The following TMEFF2 variants were observed in gnomAD, a reference collection of about 807,000 sequenced individuals.
TMEFF2 encodes the protein tomoregulin-2.
In TMEFF2, 28 loss-of-function variants were observed where a neutral mutation model predicts 53.8. That is an observed-to-expected ratio of 0.52 (90% CI 0.39 to 0.71). The LOEUF is 0.71. TMEFF2 is among the 30% of genes least tolerant of loss of function. The probability of loss-of-function intolerance (pLI) is 0.00; values close to 1 mark genes in which losing one functional copy is unlikely to be tolerated. For synonymous variants in TMEFF2, 162 were observed against 166.3 expected (o/e 0.97, Z 0.20); for missense variants, 353 against 455.2 (o/e 0.78, Z 2.04).
At chr2:192,132,919 G>A (rs555712442) in intron 4 of TMEFF2, among the ~76,000 whole-genome samples, 1 of 152,230 alleles carries the variant, frequency 6.6e-6, no homozygotes, top group East Asian at 1.9e-4. Context: ...CGAAAGCCCC[G>A]TAGACCATCA....
chr2:192,153,418 G>C (rs1690433686), intron 4 of TMEFF2, among the ~76,000 whole-genome samples: 1 of 151,622 alleles, frequency 6.6e-6, no homozygotes, highest in African/African-American at 2.4e-5. Flanking sequence ...TTATTGATGA[G>C]TAGCCAATTC....
At chr2:191,990,709 T>C (rs1184845711) in intron 7 of TMEFF2, among the ~76,000 whole-genome samples, 1 of 150,878 alleles carries the variant, frequency 6.6e-6, no homozygotes, top group Admixed American at 6.6e-5. Flanking sequence ...TAAATAGACC[T>C]GTCTTTTCTT....
At chr2:192,105,490 G>A (rs1195364390) in intron 4 of TMEFF2, among the ~76,000 whole-genome samples, 1 of 151,784 alleles carries the variant, frequency 6.6e-6, no homozygotes, top group Non-Finnish European at 1.5e-5. Context: ...ACCACCCTTC[G>A]AAGAAGGTAT....
intron 4 of TMEFF2, among the ~76,000 whole-genome samples, chr2:192,060,263 AG>A (rs1420372694): frequency 6.6e-6 from 1 of 152,130 alleles, no homozygotes; most frequent in African/African-American, 2.4e-5. Context: ...AAGCACCTAG[AG>A]GTTTAGTTAA....
At chr2:191,964,140 C>T (rs1389947277) in intron 7 of TMEFF2, among the ~76,000 whole-genome samples, 3 of 152,076 alleles carry the variant, frequency 2.0e-5, no homozygotes, top group Non-Finnish European at 2.9e-5. Context: ...TTGATGACTC[C>T]TGACTCTTTA....
At chr2:191,953,073 A>G (rs1169176554) in intron 9 of TMEFF2, among the ~76,000 whole-genome samples, 2 of 152,242 alleles carry the variant, frequency 1.3e-5, no homozygotes, top group Admixed American at 6.5e-5. Flanking sequence ...GAAATTAAGC[A>G]AGTACTGGCC....
intron 4 of TMEFF2, among the ~76,000 whole-genome samples, chr2:192,140,829 G>A (rs1409099217): frequency 2.0e-5 from 3 of 152,198 alleles, no homozygotes; most frequent in Non-Finnish European, 2.9e-5. Flanking sequence ...GAGCTTGCAC[G>A]TATTTTAGCC....
At chr2:192,126,274 T>C (rs1689676803) in intron 4 of TMEFF2, among the ~76,000 whole-genome samples, 1 of 152,250 alleles carries the variant, frequency 6.6e-6, no homozygotes, top group South Asian at 2.1e-4. Flanking sequence ...TATGCTGTGC[T>C]AATTAATGAA....
chr2:192,086,893 A>G (rs1196815313), intron 4 of TMEFF2, among the ~76,000 whole-genome samples: 1 of 152,098 alleles, frequency 6.6e-6, no homozygotes, highest in African/African-American at 2.4e-5. Flanking sequence ...TATGTATAAT[A>G]AAAGTTAGGC....
intron 5 of TMEFF2, chr2:192,027,787 T>C (rs1373837159): frequency 6.6e-6 from 1 of 152,194 alleles, no homozygotes; most frequent in African/African-American, 2.4e-5. Flanking sequence ...TGAAGTCAAG[T>C]GAGACAATGG....
At chr2:192,166,724 T>C (rs2106018212) in intron 4 of TMEFF2, among the ~76,000 whole-genome samples, 2 of 151,938 alleles carry the variant, frequency 1.3e-5, no homozygotes, top group African/African-American at 2.4e-5. Context: ...AGGAGAAAAA[T>C]GGATGGGATT....
Position 191,964,251 on chromosome 2 carries a change from TC to T in TMEFF2, c.746-7874del, listed in dbSNP as rs1692355759. On this transcript the variant is annotated intron_variant, in intron 7 of 9. Transcript: ENST00000272771. Reference sequence around the variant, plus strand: ...TTCTTTCCTTCCTTCCTTCCTTCCTTCCTTCCTCCTTTCTTTTCTTTTTTCT... The same window carrying T: ...TTCTTTCCTTCCTTCCTTCCTTCCTTCTTCCTCCTTTCTTTTCTTTTTTCT... 1.1e-4 allele frequency among the ~76,000 whole-genome samples: 7 copies of T among 64,288 alleles called. 1 individual carries two copies. The highest frequency in any genetic ancestry group is 1.7e-4 in the Non-Finnish European group (6 of 34,384). 42.2% of individuals were successfully genotyped at this position (64,288 alleles called of 152,430 possible).
chr2:192,059,127 A>G (rs1687984761), intron 4 of TMEFF2, among the ~76,000 whole-genome samples: 1 of 151,812 alleles, frequency 6.6e-6, no homozygotes, highest in African/African-American at 2.4e-5. Context: ...CTTCCAAGAA[A>G]GGTGGAGGGA....
At position 192,158,178 on chromosome 2, in the gene TMEFF2, G is replaced by A. The variant is rs529749146; in HGVS notation, c.439+21490C>T. The stretch of plus-strand genomic sequence containing the variant: ...ATGTAAGAAATTTATCTGTACAGCC[G>A]TCTACTGGCACTTTAAGAAAGACTG... On this transcript the variant is annotated intron_variant, in intron 4 of 9. Transcript: ENST00000272771. 1.2e-4 allele frequency among the ~76,000 whole-genome samples: 19 copies of A among 152,108 alleles called. No individual in the cohort carries two copies. The South Asian group carries it at 2.1e-3, about 17-fold the overall frequency.
intron 5 of TMEFF2, among the ~76,000 whole-genome samples, chr2:192,034,431 AT>A (rs1416554955): frequency 1.3e-5 from 2 of 152,152 alleles, no homozygotes; most frequent in Admixed American, 6.5e-5. Context: ...GGGAAAAAAA[AT>A]CACGAATATG....
At chr2:192,090,343 T>G (rs544661629) in intron 4 of TMEFF2, among the ~76,000 whole-genome samples, 2 of 152,108 alleles carry the variant, frequency 1.3e-5, no homozygotes, top group South Asian at 2.1e-4. Flanking sequence ...TTTTTATGAT[T>G]GTCTGTTTTA....
In TMEFF2 at chr2:192,040,161, G is replaced by A. The variant is rs73982335; in HGVS notation, c.536+17518C>T. Among the ~76,000 whole-genome samples the A allele has an allele frequency of 2.6e-3, 391 of 152,096 alleles. 2 individuals carry two copies. The highest frequency in any genetic ancestry group is 0.02 in the Middle Eastern group (6 of 294). On this transcript the variant is annotated intron_variant, in intron 5 of 9. Transcript: ENST00000272771. ...AAAAGTATTTCTTGATGAACTAGTT[G>A]TCTTTTCTAACTACACCATAAGAGT...
At chr2:192,032,793 C>G (rs1687174227) in intron 5 of TMEFF2, among the ~76,000 whole-genome samples, 1 of 152,192 alleles carries the variant, frequency 6.6e-6, no homozygotes, top group South Asian at 2.1e-4. Context: ...GTTTCCTCAT[C>G]AGCAAAATCA....
chr2:192,128,128 T>TTTAATG (rs1689722429), intron 4 of TMEFF2, among the ~76,000 whole-genome samples: 2 of 132,942 alleles, frequency 1.5e-5, no homozygotes, highest in Non-Finnish European at 3.2e-5. Flanking sequence ...TAAACTTAGG[T>TTTAATG]CCAAATAAAT....
Sources: gnomAD v4.1 joint callset for allele counts (sites outside exome capture counted in the v4.1 genomes callset) on GRCh38, gnomAD v4.1.1 for gene constraint, MANE v1.5 for transcripts, NCBI Gene and HGNC (gene_info 2026-07-23, HGNC 2026-07-21) for gene names.